PGM5: variants seen among roughly 807,000 people sequenced by gnomAD.
PGM5 encodes phosphoglucomutase-like protein 5.
PGM5 carries 23 observed loss-of-function variants against 59.2 expected under a neutral mutation model. That is an observed-to-expected ratio of 0.39 (90% confidence interval 0.28 to 0.55). The LOEUF is 0.55. Ranked by LOEUF, PGM5 falls within the 20% of genes least tolerant of loss-of-function variation. The probability of loss-of-function intolerance (pLI) is 0.66; values close to 1 mark genes in which losing one functional copy is unlikely to be tolerated. For missense variants in PGM5, 574 were observed against 748.3 expected (o/e 0.77, Z 2.72); for synonymous variants, 214 against 286.0 (o/e 0.75, Z 2.54).
chr9:68,359,595 G>A (rs1834538845), intron 1 of PGM5, among the ~76,000 whole-genome samples: 1 of 152,218 alleles, frequency 6.6e-6, no homozygotes, highest in South Asian at 2.1e-4. Flanking sequence ...ATTGAAAATT[G>A]ATGAGAATGT....
intron 6 of PGM5, among the ~76,000 whole-genome samples, chr9:68,409,974 T>G (rs1293458808): frequency 6.6e-6 from 1 of 152,128 alleles, no homozygotes; most frequent in Non-Finnish European, 1.5e-5. Flanking sequence ...GGGCCTCGCT[T>G]TCCCCATCTA....
intron 6 of PGM5, among the ~76,000 whole-genome samples, chr9:68,421,223 CA>C (rs1470535654): frequency 6.6e-6 from 1 of 152,170 alleles, no homozygotes; most frequent in East Asian, 1.9e-4. Flanking sequence ...CCAGGAGTTC[CA>C]CTGCATAGGC....
chr9:68,506,576 T>C (rs1292684400), intron 10 of PGM5, among the ~76,000 whole-genome samples: 2 of 152,208 alleles, frequency 1.3e-5, no homozygotes, highest in East Asian at 3.8e-4. Flanking sequence ...TAGCAATGAA[T>C]AGGATTCAGA....
chr9:68,443,732 G>C (rs561245417), intron 6 of PGM5, among the ~76,000 whole-genome samples: 2 of 152,356 alleles, frequency 1.3e-5, no homozygotes, highest in South Asian at 4.1e-4. Context: ...AGAGTCCTTT[G>C]TTCTGCCAAG....
intron 6 of PGM5, among the ~76,000 whole-genome samples, chr9:68,445,599 C>A (rs114866775): frequency 1.5e-3 from 227 of 152,330 alleles, no homozygotes; most frequent in African/African-American, 5.1e-3. Flanking sequence ...TGCTCACTCA[C>A]TCTGACTCAA....
intron 7 of PGM5, among the ~76,000 whole-genome samples, chr9:68,469,294 G>T (rs537678681): frequency 3.3e-5 from 5 of 152,286 alleles, no homozygotes; most frequent in African/African-American, 9.6e-5. Context: ...ATCAAGCGAT[G>T]TAACAATGTT....
chr9:68,507,540 T>C (rs936354717), intron 10 of PGM5, among the ~76,000 whole-genome samples: 1 of 152,226 alleles, frequency 6.6e-6, no homozygotes, highest in African/African-American at 2.4e-5. Flanking sequence ...AGCAGGATAA[T>C]GTCTCAAAGT....
chr9:68,492,061 T>C (rs1824400169), intron 9 of PGM5, among the ~76,000 whole-genome samples: 1 of 152,222 alleles, frequency 6.6e-6, no homozygotes, highest in Non-Finnish European at 1.5e-5. Flanking sequence ...ACAACACAGT[T>C]ACTTTCTATT....
At chr9:68,407,276 C>T (rs1822840284) in intron 6 of PGM5, among the ~76,000 whole-genome samples, 1 of 152,084 alleles carries the variant, frequency 6.6e-6, no homozygotes, top group Admixed American at 6.6e-5. Flanking sequence ...CACAGACATG[C>T]ACCACCCTAC....
intron 10 of PGM5, among the ~76,000 whole-genome samples, chr9:68,519,118 C>T (rs1016123396): frequency 4.6e-5 from 7 of 151,856 alleles, no homozygotes; most frequent in South Asian, 2.1e-4. Context: ...AAAATGAAAG[C>T]GAAATAAACA....
At chr9:68,376,900 C>CTT (rs1563985085) in intron 1 of PGM5, among the ~76,000 whole-genome samples, 6 of 105,260 alleles carry the variant, frequency 5.7e-5, no homozygotes, top group Non-Finnish European at 1.2e-4. Context: ...CTTTCTTTCT[C>CTT]TCTCTTTCTT....
chr9:68,467,516 T>TA (rs1416031418), intron 7 of PGM5, among the ~76,000 whole-genome samples: 1 of 152,206 alleles, frequency 6.6e-6, no homozygotes, highest in Non-Finnish European at 1.5e-5. Flanking sequence ...TTGCATATCC[T>TA]AAAGAGAAGT....
intron 10 of PGM5, among the ~76,000 whole-genome samples, chr9:68,502,992 A>G (rs1416929835): frequency 6.6e-6 from 1 of 152,170 alleles, no homozygotes; most frequent in Non-Finnish European, 1.5e-5. Context: ...TCCGGCTTTA[A>G]GTATGTATTT....
chr9:68,442,682 T>C (rs1823548210), intron 6 of PGM5, among the ~76,000 whole-genome samples: 1 of 152,232 alleles, frequency 6.6e-6, no homozygotes, highest in South Asian at 2.1e-4. Flanking sequence ...TATGAGAAGG[T>C]ATAATCTTTT....
intron 1 of PGM5, among the ~76,000 whole-genome samples, chr9:68,372,213 G>A (rs4744936): frequency 0.24 from 34,787 of 147,942 alleles, 4,207 homozygotes; most frequent in Admixed American, 0.32. Context: ...AGTTCTGGAG[G>A]CCAGAAGTCA....
intron 10 of PGM5, among the ~76,000 whole-genome samples, chr9:68,508,328 G>T (rs782017062): frequency 6.6e-6 from 1 of 152,104 alleles, no homozygotes; most frequent in African/African-American, 2.4e-5. Context: ...GTCAAGCTTG[G>T]ATTACAGTTT....
At chr9:68,411,439 A>G (rs1822929603) in intron 6 of PGM5, among the ~76,000 whole-genome samples, 1 of 142,064 alleles carries the variant, frequency 7.0e-6, no homozygotes, top group African/African-American at 2.6e-5. Flanking sequence ...ATATATACAC[A>G]TATATGTAGT....
chr9:68,456,522 C>G (rs7868457), intron 6 of PGM5, among the ~76,000 whole-genome samples: 3,187 of 150,916 alleles, frequency 0.021, 111 homozygotes, highest in African/African-American at 0.071. Context: ...GGTTTCACCC[C>G]ATCAGCCAGG....
intron 6 of PGM5, among the ~76,000 whole-genome samples, chr9:68,406,722 A>ATATATATG (rs1822826704): frequency 1.1e-4 from 10 of 88,468 alleles, no homozygotes; most frequent in Admixed American, 1.3e-4. Context: ...ATATATATAT[A>ATATATATG]TATGTATATA....
Sources: gnomAD v4.1 joint callset for allele counts (sites outside exome capture counted in the v4.1 genomes callset) on GRCh38, gnomAD v4.1.1 for gene constraint, MANE v1.5 for transcripts, NCBI Gene and HGNC (gene_info 2026-07-23, HGNC 2026-07-21) for gene names.